RHBDL2: variants seen among roughly 807,000 people sequenced by gnomAD.
RHBDL2 encodes rhomboid-related protein 2.
A neutral mutation model predicts 31.7 loss-of-function variants in RHBDL2; 26 were observed. The ratio of observed to expected loss-of-function variants is 0.82; its 90% confidence interval spans 0.60 to 1.14. The LOEUF (loss-of-function observed/expected upper bound fraction) is 1.14. Among genes scored for constraint, RHBDL2 ranks in the 50% most tolerant of loss-of-function variants. The pLI is 0.00. For synonymous variants in RHBDL2, 123 were observed against 127.2 expected, an observed-to-expected ratio of 0.97 and a Z score of 0.22; for missense variants, 336 against 364.4, an observed-to-expected ratio of 0.92 and a Z score of 0.63.
chr1:38,894,542 C>T (rs745397990), intron 5 of RHBDL2, among the ~76,000 whole-genome samples: 14 of 151,492 alleles, frequency 9.2e-5, no homozygotes, highest in Non-Finnish European at 2.1e-4. Context: ...AGGATGGTCC[C>T]GATCTCTTGA....
intron 2 of RHBDL2, among the ~76,000 whole-genome samples, chr1:38,918,004 G>A (rs1397751452): frequency 1.3e-5 from 2 of 152,164 alleles, no homozygotes; most frequent in Non-Finnish European, 2.9e-5. Flanking sequence ...CCTCTGTTAG[G>A]AAAAGGGAAT....
intron 3 of RHBDL2, among the ~76,000 whole-genome samples, chr1:38,912,546 G>A (rs930893633): frequency 2.6e-5 from 4 of 151,876 alleles, no homozygotes; most frequent in Non-Finnish European, 5.9e-5. Context: ...CAGCAGCTGG[G>A]ACTACAGGCA....
At chr1:38,902,023 A>G (rs114937036) in intron 4 of RHBDL2, among the ~76,000 whole-genome samples, 3,858 of 151,690 alleles carry the variant, frequency 0.025, 90 homozygotes, top group Non-Finnish European at 0.04. Context: ...ATTGACATGT[A>G]TACAATATTC....
intron 3 of RHBDL2, among the ~76,000 whole-genome samples, chr1:38,913,912 A>T (rs1293393183): frequency 6.6e-6 from 1 of 152,066 alleles, no homozygotes; most frequent in African/African-American, 2.4e-5. Context: ...AGGTCAGGAG[A>T]TTGAGACCAT....
At chr1:38,892,205 C>CGA (rs1380684931) in intron 6 of RHBDL2, among the ~76,000 whole-genome samples, 1 of 152,148 alleles carries the variant, frequency 6.6e-6, no homozygotes, top group African/African-American at 2.4e-5. Flanking sequence ...CCCCAACTCT[C>CGA]TATCATTAAT....
intron 1 of RHBDL2, among the ~76,000 whole-genome samples, chr1:38,935,394 AG>A (rs1643488314): frequency 6.6e-6 from 1 of 152,230 alleles, no homozygotes; most frequent in Non-Finnish European, 1.5e-5. Context: ...CAAATTCTAG[AG>A]GAATTCAAAG....
chr1:38,928,111 G>T (rs74642756), intron 1 of RHBDL2, among the ~76,000 whole-genome samples: 20,399 of 150,318 alleles, frequency 0.14, 2,662 homozygotes, highest in African/African-American at 0.34. Context: ...TAAATAAATT[G>T]AAGATTTTAA....
chr1:38,920,393 C>T (rs977887451), intron 1 of RHBDL2, among the ~76,000 whole-genome samples: 8 of 151,842 alleles, frequency 5.3e-5, no homozygotes, highest in African/African-American at 1.9e-4. Flanking sequence ...GTCTCGAACT[C>T]CCAACCTCAA....
At chr1:38,893,112 C>T in intron 6 of RHBDL2, 52 bp downstream of exon 6, 1 of 1,048,742 alleles carries the variant, frequency 9.5e-7, no homozygotes, top group East Asian at 2.4e-5. Flanking sequence ...AGATTTGTCT[C>T]TATATTTTAT....
Position 38,919,158 on chromosome 1 carries a change from C to G in RHBDL2, c.55G>C (p.Glu19Gln), listed in dbSNP as rs867283623. The change falls in exon 2 of 8, where the codon GAG (glutamate) becomes CAG (glutamine). Residue 19 changes from glutamate (E) to glutamine (Q), a missense_variant. By Grantham distance (29) the Glu-to-Gln change is conservative (BLOSUM62 2). Transcript: ENST00000372990. The part of the protein sequence containing the change: ...MESMNLNMGR[E>Q]MKEELEEEEK... ...TCTTCCTCCAGCTCTTCTTTCATCT[C>G]TCTCCCCATATTCAGATTCATGCTC... 1 of 1,614,128 alleles carries G rather than the reference C, an allele frequency of 6.2e-7. No individual in the cohort carries two copies. The highest frequency in any genetic ancestry group is 1.7e-5 in the Admixed American group (1 of 59,992).
At chr1:38,929,106 T>G (rs1479601786) in intron 1 of RHBDL2, among the ~76,000 whole-genome samples, 1 of 150,396 alleles carries the variant, frequency 6.6e-6, no homozygotes, top group Non-Finnish European at 1.5e-5. Context: ...AAATAAAAAT[T>G]TAAACAAAAG....
chr1:38,924,374 C>T (rs1643349132), intron 1 of RHBDL2, among the ~76,000 whole-genome samples: 2 of 152,124 alleles, frequency 1.3e-5, no homozygotes, highest in African/African-American at 2.4e-5. Context: ...GCAGGCGGAT[C>T]ACAAGGTCAG....
Position 38,893,061 on chromosome 1 carries a change from C to A in RHBDL2, c.670+103G>T, listed in dbSNP as rs1642874081. The A allele has an allele frequency of 4.5e-6, 3 of 667,298 alleles. No individual in the cohort carries two copies. In the Admixed American group the frequency reaches 6.8e-5, roughly 15 times the overall value. The allele number at this position is 667,298 out of a possible 1,614,324, so 41.3% of individuals were successfully genotyped here. On this transcript the variant is annotated intron_variant, in intron 6 of 7. Coordinates refer to ENST00000372990, the MANE Select transcript of RHBDL2 (RefSeq NM_017821.5). ...TAGACCTCCCAGGTCTGTGTGTATG[C>A]CCCAAATTGCAATCCTGTGATTCCC...
intron 1 of RHBDL2, among the ~76,000 whole-genome samples, chr1:38,921,130 C>A (rs1258535315): frequency 6.6e-6 from 1 of 151,944 alleles, no homozygotes; most frequent in Admixed American, 6.6e-5. Flanking sequence ...GTATCTGGGC[C>A]GGGCGTGGTG....
intron 4 of RHBDL2, among the ~76,000 whole-genome samples, chr1:38,902,424 A>T (rs1374247943): frequency 3.9e-5 from 5 of 127,950 alleles, no homozygotes; most frequent in Admixed American, 1.6e-4. Flanking sequence ...TTTTTTTATT[A>T]TTTTTTTTTT....
intron 2 of RHBDL2, among the ~76,000 whole-genome samples, chr1:38,916,126 G>A (rs1643232308): frequency 1.3e-5 from 2 of 152,208 alleles, no homozygotes; most frequent in African/African-American, 4.8e-5. Context: ...GGGAAAAATA[G>A]TCACTTGCCA....
intron 6 of RHBDL2, among the ~76,000 whole-genome samples, chr1:38,892,335 C>T (rs1029121644): frequency 2.0e-5 from 3 of 151,994 alleles, no homozygotes; most frequent in Non-Finnish European, 2.9e-5. Context: ...CCTCTGCAGA[C>T]AAAATCACAT....
rs556943215 is a variant in RHBDL2 at position 38,916,604 on chromosome 1, G to C, written c.247-894C>G. Among the ~76,000 whole-genome samples the C allele has an allele frequency of 5.3e-5, 8 of 152,132 alleles. No individual in the cohort carries two copies. The South Asian group carries it at 1.0e-3, about 20-fold the overall frequency. On this transcript the variant is annotated intron_variant, in intron 2 of 7. Transcript: ENST00000372990. ...TCATGCCTATAGTCCCAGCCCTTTG[G>C]CGGGAGGCTGAGGCAGGTGGATCAC...
chr1:38,914,756 A>C (rs1643206811), intron 3 of RHBDL2, among the ~76,000 whole-genome samples: 1 of 151,560 alleles, frequency 6.6e-6, no homozygotes, highest in Non-Finnish European at 1.5e-5. Context: ...CCTTAAGGGC[A>C]CAGTGGCTCA....
Sources: gnomAD v4.1 joint callset for allele counts (sites outside exome capture counted in the v4.1 genomes callset) on GRCh38, gnomAD v4.1.1 for gene constraint, MANE v1.5 for transcripts, NCBI Gene and HGNC (gene_info 2026-07-23, HGNC 2026-07-21) for gene names.